The following NPAS3 variants were observed in gnomAD, a reference collection of about 807,000 sequenced individuals.
NPAS3 encodes the protein neuronal PAS domain-containing protein 3.
Under a neutral mutation model 73.1 loss-of-function variants are expected in NPAS3, and 14 were observed. The ratio of observed to expected loss-of-function variants is 0.19; its 90% CI spans 0.13 to 0.30. The LOEUF (loss-of-function observed/expected upper bound fraction) is 0.30, where lower values mean the gene tolerates loss of function less well. Ranked by LOEUF, NPAS3 falls within the 10% of genes least tolerant of loss-of-function variation. The pLI is 1.00. For synonymous variants in NPAS3, 620 were observed against 541.5 expected, an observed-to-expected ratio of 1.14 and a Z score of -2.01; for missense variants, 1,096 against 1,250.0, an observed-to-expected ratio of 0.88 and a Z score of 1.86.
exon 11 of NPAS3, chr14:33,797,473 G>T (rs2063545337): frequency 1.2e-6 from 2 of 1,614,004 alleles, no homozygotes; most frequent in Non-Finnish European, 1.7e-6. Context: ...TGAGTACAAG[G>T]ACACACCCAT....
intron 4 of NPAS3, among the ~76,000 whole-genome samples, chr14:33,438,242 T>C (rs2049077541): frequency 6.6e-6 from 1 of 152,178 alleles, no homozygotes. Context: ...AAAGATGACA[T>C]GCATTGCAGT....
At chr14:32,987,046 T>C (rs1437486415) in intron 1 of NPAS3, among the ~76,000 whole-genome samples, 6 of 152,156 alleles carry the variant, frequency 3.9e-5, no homozygotes, top group Admixed American at 3.9e-4. Flanking sequence ...AAGATGCCAG[T>C]CAGGGATGAA....
At chr14:33,232,045 A>C (rs140931646) in intron 3 of NPAS3, among the ~76,000 whole-genome samples, 1 of 152,192 alleles carries the variant, frequency 6.6e-6, no homozygotes, top group South Asian at 2.1e-4. Context: ...CTTATCAACC[A>C]TTAGGTAATG....
At chr14:33,432,246 G>GA (rs1036025910) in intron 4 of NPAS3, among the ~76,000 whole-genome samples, 39 of 152,184 alleles carry the variant, frequency 2.6e-4, no homozygotes, top group African/African-American at 6.7e-4. Flanking sequence ...ATTCCTTTGG[G>GA]AAAAAATTGG....
At chr14:33,268,111 A>T (rs1038050568) in intron 3 of NPAS3, among the ~76,000 whole-genome samples, 5 of 151,454 alleles carry the variant, frequency 3.3e-5, no homozygotes, top group African/African-American at 4.9e-5. Context: ...GTCTTATGTG[A>T]ACTTGGCCCC....
At chr14:33,358,118 C>T (rs2045420837) in intron 3 of NPAS3, among the ~76,000 whole-genome samples, 1 of 152,176 alleles carries the variant, frequency 6.6e-6, no homozygotes, top group South Asian at 2.1e-4. Flanking sequence ...CAGCAGTGCA[C>T]TTCAGAACAC....
intron 4 of NPAS3, among the ~76,000 whole-genome samples, chr14:33,530,684 G>T (rs1250554409): frequency 1.7e-4 from 26 of 150,534 alleles, no homozygotes; most frequent in Admixed American, 1.7e-3. Flanking sequence ...TTTAACCCTA[G>T]AAATGTCAGT....
chr14:33,716,208 A>G (rs866858748), intron 6 of NPAS3, among the ~76,000 whole-genome samples: 8 of 152,320 alleles, frequency 5.3e-5, no homozygotes, highest in Middle Eastern at 3.4e-3. Context: ...ACTGCCCAGC[A>G]GAGTGTAAGT....
chr14:33,280,050 G>A (rs1252070978), intron 3 of NPAS3, among the ~76,000 whole-genome samples: 2 of 152,180 alleles, frequency 1.3e-5, no homozygotes, highest in Non-Finnish European at 2.9e-5. Flanking sequence ...AAGCGTGTAT[G>A]CTGAATGGGC....
At chr14:33,752,171 AAT>A (rs1363255421) in intron 7 of NPAS3, among the ~76,000 whole-genome samples, 1 of 152,194 alleles carries the variant, frequency 6.6e-6, no homozygotes, top group East Asian at 1.9e-4. Flanking sequence ...CTTTCTATAA[AAT>A]ATAATATGAA....
At chr14:32,957,688 A>G (rs900034074) in intron 1 of NPAS3, among the ~76,000 whole-genome samples, 2 of 152,090 alleles carry the variant, frequency 1.3e-5, no homozygotes, top group African/African-American at 2.4e-5. Context: ...TTCATTTTCT[A>G]TTCCAGCATT....
At chr14:33,111,996 G>A (rs565078871) in intron 2 of NPAS3, among the ~76,000 whole-genome samples, 3 of 152,068 alleles carry the variant, frequency 2.0e-5, no homozygotes, top group South Asian at 2.1e-4. Flanking sequence ...AAAGGACATG[G>A]ACTCATCATT....
rs536398971 is a variant in NPAS3, at chr14:33,018,937, A to AT, written c.51-36968_51-36967insT. Among the ~76,000 whole-genome samples the AT allele has an allele frequency of 3.9e-5, 3 of 76,982 alleles. No individual in the cohort carries two copies. The Admixed American group carries it at 4.4e-4, about 11-fold the overall frequency. The allele number at this position is 76,982 out of a possible 152,430, so 50.5% of individuals were successfully genotyped here. ...AAGAACACAGGGAGTGCAAATTTAT[A>AT]AAAAAAAAAACCTTTCACATGAAAA... On this transcript the variant is annotated intron_variant, in intron 1 of 11. Coordinates refer to ENST00000356141, the Ensembl canonical transcript of NPAS3.
intron 3 of NPAS3, among the ~76,000 whole-genome samples, chr14:33,260,515 T>G (rs957699661): frequency 1.3e-5 from 2 of 152,244 alleles, no homozygotes; most frequent in Non-Finnish European, 2.9e-5. Context: ...TTCTTCCAAG[T>G]AGATTGCCTC....
intron 2 of NPAS3, among the ~76,000 whole-genome samples, chr14:33,067,616 G>A (rs2041325215): frequency 6.6e-6 from 1 of 152,212 alleles, no homozygotes; most frequent in South Asian, 2.1e-4. Context: ...AAGCAACCTA[G>A]TGAACTGTGT....
intron 5 of NPAS3, among the ~76,000 whole-genome samples, chr14:33,575,050 A>C (rs1291439759): frequency 6.6e-6 from 1 of 152,252 alleles, no homozygotes; most frequent in African/African-American, 2.4e-5. Flanking sequence ...GTCTCAGGTC[A>C]AGGCAAGAAT....
chr14:33,492,118 A>G (rs185335692), intron 4 of NPAS3, among the ~76,000 whole-genome samples: 11 of 152,262 alleles, frequency 7.2e-5, no homozygotes, highest in Admixed American at 7.2e-4. Context: ...TGATAATCTC[A>G]CTCACTTAGG....
intron 3 of NPAS3, among the ~76,000 whole-genome samples, chr14:33,316,121 C>T (rs1002469407): frequency 3.9e-5 from 6 of 152,024 alleles, no homozygotes; most frequent in South Asian, 2.1e-4. Flanking sequence ...GTAGAATTAA[C>T]GATTCCCAGA....
chr14:33,311,788 A>G (rs2043013630), intron 3 of NPAS3, among the ~76,000 whole-genome samples: 1 of 152,150 alleles, frequency 6.6e-6, no homozygotes, highest in Admixed American at 6.6e-5. Flanking sequence ...GGGTGATACA[A>G]AAGGTGTAAC....
Sources: gnomAD v4.1 joint callset for allele counts (sites outside exome capture counted in the v4.1 genomes callset) on GRCh38, gnomAD v4.1.1 for gene constraint, MANE v1.5 for transcripts, NCBI Gene and HGNC (gene_info 2026-07-23, HGNC 2026-07-21) for gene names.